Variants in CCDC6 observed in about 807,000 individuals in gnomAD.
The protein encoded by CCDC6 is coiled-coil domain containing 6.
In CCDC6, 20 loss-of-function variants were observed where a neutral mutation model predicts 56.6. The ratio of observed to expected loss-of-function variants is 0.35; its 90% CI spans 0.25 to 0.51. The LOEUF (loss-of-function observed/expected upper bound fraction) is 0.51. CCDC6 is among the 20% of genes least tolerant of loss of function. The probability of loss-of-function intolerance (pLI) is 0.95; values close to 1 mark genes in which losing one functional copy is unlikely to be tolerated. For synonymous variants in CCDC6, 241 were observed against 234.4 expected (o/e 1.03, Z -0.26); for missense variants, 367 against 601.1 (o/e 0.61, Z 4.07).
chr10:59,792,237 A>G lies in CCDC6; in HGVS notation c.*680T>C, dbSNP rs2070474555. On this transcript the variant is annotated 3_prime_UTR_variant, in exon 9 of 9. Coordinates refer to ENST00000263102, the MANE Select transcript of CCDC6 (RefSeq NM_005436.5). ...AAAGAGAATCACATCTTAATATACG[A>G]TAATTATCCATCCCATTTATGTGGA... 3.5e-6 allele frequency: 1 copy of G among 282,704 alleles called. No homozygotes were observed. Among genetic ancestry groups the G allele is most frequent in the African/African-American group, 2.2e-5 (1 of 46,312 alleles). The allele number at this position is 282,704 out of a possible 1,614,324, so 17.5% of individuals were successfully genotyped here.
intron 3 of CCDC6, among the ~76,000 whole-genome samples, chr10:59,826,228 A>T (rs1346814738): frequency 2.6e-5 from 4 of 152,078 alleles, no homozygotes; most frequent in African/African-American, 9.7e-5. Context: ...ATGACCCCCA[A>T]AGTAGAGGCA....
At position 59,790,487 on chromosome 10, in the gene CCDC6, G is replaced by A. The variant is rs2070458214; in HGVS notation, c.*2430C>T. 1 of 219,002 alleles carries A rather than the reference G, an allele frequency of 4.6e-6. No individual in the cohort carries two copies. Among genetic ancestry groups the A allele is most frequent in the Non-Finnish European group, 9.2e-6 (1 of 108,934 alleles). The allele number at this position is 219,002 out of a possible 1,614,324, so 13.6% of individuals were successfully genotyped here. Reference sequence around the variant, plus strand: ...ATCTAAATCTTACTGATCCCTAGTAGTAAGACAATTGCCAAGAAATTGTCC... The same window carrying A: ...ATCTAAATCTTACTGATCCCTAGTAATAAGACAATTGCCAAGAAATTGTCC... On this transcript the variant is annotated 3_prime_UTR_variant, in exon 9 of 9. Coordinates refer to ENST00000263102, the MANE Select transcript of CCDC6 (RefSeq NM_005436.5).
chr10:59,861,855 T>A (rs1461829186), intron 1 of CCDC6, among the ~76,000 whole-genome samples: 2 of 152,230 alleles, frequency 1.3e-5, no homozygotes, highest in African/African-American at 2.4e-5. Context: ...AACAATTCTT[T>A]TCTTCTAATA....
rs192365990 is a variant in CCDC6 at position 59,869,680 on chromosome 10, G to A, written c.304-16978C>T. ...TTCCACTCTTGTGCTCATACAACCCGTGCTCATTCTGCACACCCACAGTTT... is the reference window on the plus strand; with the variant it reads ...TTCCACTCTTGTGCTCATACAACCCATGCTCATTCTGCACACCCACAGTTT... On this transcript the variant is annotated intron_variant, in intron 1 of 8. Transcript: ENST00000263102. Among the ~76,000 whole-genome samples, 432 of 152,072 alleles carry A rather than the reference G, an allele frequency of 2.8e-3. 3 individuals carry two copies. The highest frequency in any genetic ancestry group is 5.0e-3 in the Non-Finnish European group (337 of 68,002).
At chr10:59,814,189 A>C (rs1167829421) in intron 4 of CCDC6, among the ~76,000 whole-genome samples, 1 of 152,224 alleles carries the variant, frequency 6.6e-6, no homozygotes, top group African/African-American at 2.4e-5. Context: ...AAGTATGTAA[A>C]GGTATTTCTT....
chr10:59,861,152 C>G (rs1589052693), intron 1 of CCDC6, among the ~76,000 whole-genome samples: 1 of 152,138 alleles, frequency 6.6e-6, no homozygotes, highest in East Asian at 1.9e-4. Flanking sequence ...GCATTCCACC[C>G]TGGGTGATGG....
chr10:59,869,249 C>T (rs1310363685), intron 1 of CCDC6, among the ~76,000 whole-genome samples: 1 of 151,846 alleles, frequency 6.6e-6, no homozygotes, highest in African/African-American at 2.4e-5. Flanking sequence ...AAGCCTCCCT[C>T]AGATCTCCAG....
At chr10:59,846,563 G>A (rs2070993518) in intron 2 of CCDC6, among the ~76,000 whole-genome samples, 2 of 152,010 alleles carry the variant, frequency 1.3e-5, no homozygotes, top group South Asian at 4.2e-4. Flanking sequence ...AGAGATCCAG[G>A]ACTTTTCTTC....
intron 1 of CCDC6, among the ~76,000 whole-genome samples, chr10:59,880,450 ACTGT>A (rs1454841416): frequency 1.3e-5 from 2 of 152,210 alleles, no homozygotes; most frequent in African/African-American, 4.8e-5. Context: ...AAAAGTACAC[ACTGT>A]CTAATTCCAG....
intron 1 of CCDC6, among the ~76,000 whole-genome samples, chr10:59,901,179 G>C (rs1380643046): frequency 6.6e-6 from 1 of 152,190 alleles, no homozygotes; most frequent in Non-Finnish European, 1.5e-5. Flanking sequence ...GCCTCTTTAA[G>C]AAGACTTGTG....
intron 2 of CCDC6, among the ~76,000 whole-genome samples, chr10:59,851,575 T>C (rs1402269565): frequency 2.0e-5 from 3 of 152,076 alleles, no homozygotes; most frequent in African/African-American, 7.2e-5. Flanking sequence ...TACATCAGAG[T>C]TTCCAGTATC....
chr10:59,841,964 C>G (rs1468395369), intron 2 of CCDC6, among the ~76,000 whole-genome samples: 1 of 152,060 alleles, frequency 6.6e-6, no homozygotes, highest in Non-Finnish European at 1.5e-5. Context: ...CCGCGCCCGA[C>G]CCCATGTCTT....
intron 1 of CCDC6, among the ~76,000 whole-genome samples, chr10:59,898,075 A>G (rs1468557997): frequency 6.6e-6 from 1 of 152,210 alleles, no homozygotes; most frequent in African/African-American, 2.4e-5. Context: ...AATTTCCTAT[A>G]AAATAGTACC....
intron 1 of CCDC6, among the ~76,000 whole-genome samples, chr10:59,889,471 A>C (rs1347510767): frequency 6.6e-6 from 1 of 152,156 alleles, no homozygotes; most frequent in Non-Finnish European, 1.5e-5. Context: ...AAAACCTTTG[A>C]GTCTTCCAAC....
Position 59,852,844 on chromosome 10 carries a change from C to T in CCDC6, c.304-142G>A, listed in dbSNP as rs2071050478. ...CTATTTTTAGCTGTGAACCAACACA[C>T]CCAAGAAATGCAAAACAGAGGAATT... On this transcript the variant is annotated intron_variant, in intron 1 of 8. Transcript: ENST00000263102. The T allele has an allele frequency of 6.5e-5, 38 of 582,674 alleles. No homozygotes were observed. The South Asian group carries it at 1.3e-3, about 19-fold the overall frequency. The allele number at this position is 582,674 out of a possible 1,614,324, so 36.1% of individuals were successfully genotyped here. A position where few individuals can be genotyped will look rare whatever the true frequency, so the allele number is the denominator to read the frequency against.
chr10:59,837,256 C>T (rs1006757430), intron 2 of CCDC6, among the ~76,000 whole-genome samples: 9 of 152,182 alleles, frequency 5.9e-5, no homozygotes, highest in Non-Finnish European at 1.5e-5. Context: ...GAACCTCCTC[C>T]AATAGGTACC....
chr10:59,882,047 CA>C (rs1292672501), intron 1 of CCDC6, among the ~76,000 whole-genome samples: 59 of 83,712 alleles, frequency 7.0e-4, no homozygotes, highest in Middle Eastern at 9.3e-3. Flanking sequence ...AAAGGAAAGC[CA>C]GGGGGAGAAG....
At chr10:59,894,126 C>T (rs775790263) in intron 1 of CCDC6, among the ~76,000 whole-genome samples, 2 of 152,184 alleles carry the variant, frequency 1.3e-5, no homozygotes, top group Non-Finnish European at 1.5e-5. Context: ...TAACAAGATA[C>T]CTGCCTTCAA....
chr10:59,809,635 C>T (rs1444934262), intron 5 of CCDC6, among the ~76,000 whole-genome samples: 2 of 152,192 alleles, frequency 1.3e-5, no homozygotes, highest in Non-Finnish European at 2.9e-5. Context: ...CTCCCTAGTA[C>T]TTAGGGGCCA....
Sources: gnomAD v4.1 joint callset for allele counts (sites outside exome capture counted in the v4.1 genomes callset) on GRCh38, gnomAD v4.1.1 for gene constraint, MANE v1.5 for transcripts, NCBI Gene and HGNC (gene_info 2026-07-23, HGNC 2026-07-21) for gene names.